GPC6: variants seen among roughly 807,000 people sequenced by gnomAD.
GPC6 encodes the protein glypican 6.
A neutral mutation model predicts 55.2 loss-of-function variants in GPC6; 14 were observed. The observed-to-expected ratio is 0.25, with a 90% CI of 0.17 to 0.40. The LOEUF (loss-of-function observed/expected upper bound fraction) is 0.40, where lower values mean the gene tolerates loss of function less well. Among genes scored for constraint, GPC6 ranks in the 10% least tolerant of loss-of-function variants. The pLI, the probability that GPC6 is intolerant of heterozygous loss-of-function variation, is 1.00. For missense variants in GPC6, 641 were observed against 708.5 expected, an observed-to-expected ratio of 0.90 and a Z score of 1.08; for synonymous variants, 278 against 259.6, an observed-to-expected ratio of 1.07 and a Z score of -0.68.
At chr13:93,624,397 A>G (rs1039239225) in intron 2 of GPC6, among the ~76,000 whole-genome samples, 1 of 152,144 alleles carries the variant, frequency 6.6e-6, no homozygotes, top group Non-Finnish European at 1.5e-5. Flanking sequence ...ATTGAAGAAC[A>G]TTTTCATTTC....
At chr13:93,547,673 TG>T (rs1173984677) in intron 2 of GPC6, among the ~76,000 whole-genome samples, 1 of 151,942 alleles carries the variant, frequency 6.6e-6, no homozygotes, top group East Asian at 1.9e-4. Flanking sequence ...TTGAGTTGGA[TG>T]GGAGAGAAAT....
chr13:94,148,654 A>G (rs553264083), intron 4 of GPC6, among the ~76,000 whole-genome samples: 1 of 152,288 alleles, frequency 6.6e-6, no homozygotes, highest in South Asian at 2.1e-4. Flanking sequence ...TTAGGCATCT[A>G]TATCCAGTGA....
chr13:93,661,912 A>G (rs1880937638), intron 2 of GPC6, among the ~76,000 whole-genome samples: 1 of 152,138 alleles, frequency 6.6e-6, no homozygotes, highest in South Asian at 2.1e-4. Flanking sequence ...ATAACTCCAG[A>G]GTTCTTTTGT....
intron 2 of GPC6, among the ~76,000 whole-genome samples, chr13:93,554,825 C>T (rs1426424727): frequency 6.6e-6 from 1 of 152,178 alleles, no homozygotes; most frequent in African/African-American, 2.4e-5. Flanking sequence ...GCATGGTCCA[C>T]AGTGCTCAGA....
At chr13:94,352,760 G>C (rs1311708855) in intron 6 of GPC6, among the ~76,000 whole-genome samples, 1 of 152,136 alleles carries the variant, frequency 6.6e-6, no homozygotes, top group Non-Finnish European at 1.5e-5. Flanking sequence ...AAGTTGACTT[G>C]TGCTGTCAGT....
chr13:93,854,681 A>G (rs1403591395), intron 3 of GPC6, among the ~76,000 whole-genome samples: 7 of 151,908 alleles, frequency 4.6e-5, no homozygotes, highest in Middle Eastern at 3.4e-3. Context: ...GAGTATTCTT[A>G]TCCATTAATC....
At chr13:94,032,017 A>G (rs1025922824) in intron 4 of GPC6, among the ~76,000 whole-genome samples, 22 of 152,306 alleles carry the variant, frequency 1.4e-4, no homozygotes, top group African/African-American at 5.1e-4. Context: ...GATGTTGCCA[A>G]TGAGGAGAGG....
intron 1 of GPC6, among the ~76,000 whole-genome samples, chr13:93,334,470 AT>A (rs1879975033): frequency 6.6e-6 from 1 of 151,912 alleles, no homozygotes; most frequent in Non-Finnish European, 1.5e-5. Flanking sequence ...CTTCTTATTT[AT>A]TTATTTTTTG....
the GPC6 span, among the ~76,000 whole-genome samples, chr13:93,216,974 C>T: frequency 6.6e-6 from 1 of 152,196 alleles, no homozygotes; most frequent in African/African-American, 2.4e-5. Flanking sequence ...AATTGCAATA[C>T]ATAATAGTTT....
intron 4 of GPC6, among the ~76,000 whole-genome samples, chr13:94,053,627 C>G (rs2138757137): frequency 6.6e-6 from 1 of 152,242 alleles, no homozygotes; most frequent in Non-Finnish European, 1.5e-5. Context: ...ACCTCCCTTT[C>G]ACTTTCAAAA....
At chr13:93,938,577 C>T (rs1323214166) in intron 3 of GPC6, among the ~76,000 whole-genome samples, 1 of 152,030 alleles carries the variant, frequency 6.6e-6, no homozygotes, top group African/African-American at 2.4e-5. Context: ...AATAAAAAGA[C>T]ACAAATAAAA....
intron 4 of GPC6, among the ~76,000 whole-genome samples, chr13:94,239,633 T>C (rs976497871): frequency 6.6e-6 from 1 of 152,170 alleles, no homozygotes; most frequent in African/African-American, 2.4e-5. Context: ...AGAGTCATTA[T>C]TGATGAAGTC....
At chr13:93,625,533 A>T (rs535502705) in intron 2 of GPC6, among the ~76,000 whole-genome samples, 1 of 152,154 alleles carries the variant, frequency 6.6e-6, no homozygotes, top group Non-Finnish European at 1.5e-5. Context: ...CCAGGTGTCA[A>T]CCCAGGTAGG....
chr13:93,813,276 G>T (rs1248135541), intron 2 of GPC6, among the ~76,000 whole-genome samples: 1 of 152,138 alleles, frequency 6.6e-6, no homozygotes, highest in Non-Finnish European at 1.5e-5. Flanking sequence ...AATTAGCAGA[G>T]CATGGTGGCA....
chr13:93,495,575 G>A (rs372782126), intron 1 of GPC6, among the ~76,000 whole-genome samples: 23 of 125,318 alleles, frequency 1.8e-4, no homozygotes, highest in Admixed American at 1.2e-3. Context: ...GAGGAACTGC[G>A]TTCCTTTGGA....
chr13:94,124,512 G>T (rs1299234291), intron 4 of GPC6, among the ~76,000 whole-genome samples: 1 of 152,014 alleles, frequency 6.6e-6, no homozygotes, highest in African/African-American at 2.4e-5. Flanking sequence ...TGGAGAACAG[G>T]ACTTTCTAGG....
At chr13:93,589,210 C>G (rs1185155807) in intron 2 of GPC6, among the ~76,000 whole-genome samples, 2 of 152,010 alleles carry the variant, frequency 1.3e-5, no homozygotes, top group Non-Finnish European at 2.9e-5. Context: ...GAAGCTTATT[C>G]TTTTTAAGAA....
At chr13:94,398,679 TA>T in intron 8 of GPC6, 38 bp downstream of exon 8, 8 of 1,582,214 alleles carry the variant, frequency 5.1e-6, no homozygotes, top group Non-Finnish European at 6.9e-6. Context: ...ATTTTCAAAG[TA>T]AAAAATGGTT....
chr13:94,137,465 G>T (rs61962316), intron 4 of GPC6, among the ~76,000 whole-genome samples: 26,508 of 152,102 alleles, frequency 0.17, 2,700 homozygotes, highest in Non-Finnish European at 0.23. Flanking sequence ...GACTCTCAAA[G>T]TGATAGGGTC....
Sources: gnomAD v4.1 joint callset for allele counts (sites outside exome capture counted in the v4.1 genomes callset) on GRCh38, gnomAD v4.1.1 for gene constraint, MANE v1.5 for transcripts, NCBI Gene and HGNC (gene_info 2026-07-23, HGNC 2026-07-21) for gene names.